SPNS3: variants seen among roughly 807,000 people sequenced by gnomAD.
SPNS3 encodes the protein SPNS lysolipid transporter 3, sphingosine-1-phosphate (putative).
Under a neutral mutation model 54.4 loss-of-function variants are expected in SPNS3, and 51 were observed. The ratio of observed to expected loss-of-function variants is 0.94; its 90% CI spans 0.75 to 1.18. The LOEUF (loss-of-function observed/expected upper bound fraction) is 1.18. Among genes scored for constraint, SPNS3 ranks in the 50% most tolerant of loss-of-function variants. SPNS3 has a pLI of 0.00. For missense variants in SPNS3, 669 were observed against 677.4 expected, an observed-to-expected ratio of 0.99 and a Z score of 0.14; for synonymous variants, 309 against 294.7, an observed-to-expected ratio of 1.05 and a Z score of -0.50.
In SPNS3 at chr17:4,439,656, A is replaced by G; in HGVS notation, c.200-2A>G. ...TCCTGAGCACTGTCCCTCTGTCTGC[A>G]GGAGTGCTGCTGGATATACAGGAGG... On this transcript the variant is annotated splice_acceptor_variant, in intron 1 of 11. Transcript: ENST00000355530. LOFTEE classifies it high-confidence loss of function. The G allele has an allele frequency of 6.2e-7, 1 of 1,612,678 alleles. No individual in the cohort carries two copies. Among genetic ancestry groups the G allele is most frequent in the South Asian group, 1.1e-5 (1 of 90,564 alleles).
chr17:4,448,832 G>A (rs1054767886), intron 6 of SPNS3, among the ~76,000 whole-genome samples: 2 of 152,150 alleles, frequency 1.3e-5, no homozygotes, highest in East Asian at 1.9e-4. Context: ...GAAACTGGTC[G>A]GGAGGACTCA....
rs1972238003 is a variant in SPNS3, at chr17:4,483,810, C to T, written c.1180-2418C>T. 6.6e-6 allele frequency among the ~76,000 whole-genome samples: 1 copy of T among 152,060 alleles called. No individual in the cohort carries two copies. The highest frequency in any genetic ancestry group is 6.6e-5 in the Admixed American group (1 of 15,266). ...CCCAGTGACCCTGGGACCAGCGAGT[C>T]ACTACAGTGCCTCCTGCCACTCTGC... On this transcript the variant is annotated intron_variant, in intron 9 of 11. Coordinates refer to ENST00000355530, the MANE Select transcript of SPNS3 (RefSeq NM_182538.5). This position sits in a 1 kb window ranked among gnomAD's most constrained non-coding sequence, Gnocchi z 4.2.
chr17:4,437,875 C>T, intron 1 of SPNS3, among the ~76,000 whole-genome samples: 1 of 151,658 alleles, frequency 6.6e-6, no homozygotes, highest in East Asian at 1.9e-4. Context: ...CAACCTCCGC[C>T]TCCCAGGTTC....
At chr17:4,458,612 T>TCTTC (rs1971398962) in intron 8 of SPNS3, among the ~76,000 whole-genome samples, 3 of 112,124 alleles carry the variant, frequency 2.7e-5, no homozygotes. Context: ...TTTCTTTCTT[T>TCTTC]CTTTCTTTCT....
At chr17:4,437,685 TA>T (rs1278166292) in intron 1 of SPNS3, among the ~76,000 whole-genome samples, 5 of 139,272 alleles carry the variant, frequency 3.6e-5, no homozygotes, top group African/African-American at 1.3e-4. Flanking sequence ...ATAAATAAAA[TA>T]AAAATAAAAA....
intron 2 of SPNS3, among the ~76,000 whole-genome samples, chr17:4,440,891 A>C (rs1038661937): frequency 6.6e-6 from 1 of 152,244 alleles, no homozygotes; most frequent in African/African-American, 2.4e-5. Flanking sequence ...TCTACAAATT[A>C]GAATTCAAAG....
intron 6 of SPNS3, among the ~76,000 whole-genome samples, chr17:4,448,638 C>T (rs75724858): frequency 0.013 from 1,956 of 152,362 alleles, 49 homozygotes; most frequent in African/African-American, 0.045. Context: ...AGCCTTGCCC[C>T]CTTCTCCGGG....
chr17:4,436,374 C>T (rs1361485591), intron 1 of SPNS3, among the ~76,000 whole-genome samples: 1 of 152,184 alleles, frequency 6.6e-6, no homozygotes, highest in Non-Finnish European at 1.5e-5. Context: ...CTTCTCCTCA[C>T]ATGAGGTCAG....
intron 2 of SPNS3, among the ~76,000 whole-genome samples, chr17:4,442,527 T>C (rs1970877972): frequency 6.9e-6 from 1 of 144,430 alleles, no homozygotes; most frequent in Non-Finnish European, 1.5e-5. Flanking sequence ...AGCAAGACTG[T>C]CTCAAAAAAA....
chr17:4,464,976 C>T (rs570572145), intron 8 of SPNS3, among the ~76,000 whole-genome samples: 12 of 152,334 alleles, frequency 7.9e-5, no homozygotes, highest in African/African-American at 1.7e-4. Context: ...CCACCACTCC[C>T]GGCTGAGCCT....
At chr17:4,484,682 G>T (rs1972262291) in intron 9 of SPNS3, among the ~76,000 whole-genome samples, 1 of 152,044 alleles carries the variant, frequency 6.6e-6, no homozygotes, top group Admixed American at 6.6e-5. Context: ...ACGGCTCCAG[G>T]GTGTAAGCGC....
chr17:4,437,216 C>G (rs1481241405), intron 1 of SPNS3, among the ~76,000 whole-genome samples: 1 of 152,080 alleles, frequency 6.6e-6, no homozygotes, highest in African/African-American at 2.4e-5. Context: ...GCACGCTTGG[C>G]TCTGGATCAC....
Position 4,449,369 on chromosome 17 carries a change from C to G in SPNS3, c.905C>G (p.Pro302Arg). The G allele has an allele frequency of 1.2e-6, 2 of 1,602,930 alleles. No homozygotes were observed. The highest frequency in any genetic ancestry group is 8.5e-7 in the Non-Finnish European group (1 of 1,178,108). ...CTGCAGCCTCCCTGCTTCCAGGAGC[C>G]GTGCAGCAACCCCGACAGGTGAGGG... The part of the protein sequence containing the change: ...HGLQPPCFQE[P>R]CSNPDSLIFG... Residue 302 changes from proline to arginine, a missense_variant, in exon 7 of 12, where the codon CCG becomes CGG. By Grantham distance (103) the Pro-to-Arg change is moderately radical. Transcript: ENST00000355530.
chr17:4,454,410 C>G (rs550832125), intron 8 of SPNS3, among the ~76,000 whole-genome samples: 2 of 152,234 alleles, frequency 1.3e-5, no homozygotes, highest in Non-Finnish European at 2.9e-5. Flanking sequence ...GACACAGATG[C>G]GCTTGCACAT....
At chr17:4,435,739 C>G (rs1395140386) in intron 1 of SPNS3, among the ~76,000 whole-genome samples, 2 of 149,326 alleles carry the variant, frequency 1.3e-5, no homozygotes, top group East Asian at 1.9e-4. Flanking sequence ...TTCTGTCACT[C>G]ATTCACTAAC....
intron 11 of SPNS3, 150 bp from the exon 12 acceptor site, chr17:4,487,656 G>C (rs1343225733): frequency 1.4e-6 from 1 of 737,776 alleles, no homozygotes; most frequent in East Asian, 2.5e-5. Context: ...CACGCCAGTG[G>C]CATTGAAGGT....
At chr17:4,435,323 T>G (rs1970685423) in intron 1 of SPNS3, among the ~76,000 whole-genome samples, 3 of 150,966 alleles carry the variant, frequency 2.0e-5, no homozygotes, top group African/African-American at 7.3e-5. Flanking sequence ...CTGGGGAGGC[T>G]GAGGCAGAGA....
At chr17:4,435,450 A>C (rs1045327626) in intron 1 of SPNS3, among the ~76,000 whole-genome samples, 2 of 147,474 alleles carry the variant, frequency 1.4e-5, no homozygotes, top group African/African-American at 2.6e-5. Context: ...CAAAAAAAAA[A>C]AAATAAAAAA....
chr17:4,448,401 G>C (rs1447500314), intron 6 of SPNS3, 98 bp downstream of exon 6: 2 of 1,248,494 alleles, frequency 1.6e-6, no homozygotes, highest in Non-Finnish European at 2.1e-6. Context: ...AGCCCTCCCT[G>C]GTTGTCCCAG....
Sources: gnomAD v4.1 joint callset for allele counts (sites outside exome capture counted in the v4.1 genomes callset) on GRCh38, gnomAD v4.1.1 for gene constraint, Gnocchi (gnomAD v3.1) non-coding constraint, MANE v1.5 for transcripts, NCBI Gene and HGNC (gene_info 2026-07-23, HGNC 2026-07-21) for gene names.